Variants in ACO1 observed in about 807,000 individuals in gnomAD.
ACO1 encodes cytoplasmic aconitate hydratase.
A neutral mutation model predicts 105.1 loss-of-function variants in ACO1; 78 were observed. That is an observed-to-expected ratio of 0.74 (90% CI 0.62 to 0.90). ACO1 has a LOEUF of 0.90. ACO1 is among the 40% of genes least tolerant of loss of function. The probability of loss-of-function intolerance (pLI) is 0.00; values close to 1 mark genes in which losing one functional copy is unlikely to be tolerated. For synonymous variants in ACO1, 364 were observed against 397.4 expected, an observed-to-expected ratio of 0.92 and a Z score of 1.00; for missense variants, 965 against 1,111.1, an observed-to-expected ratio of 0.87 and a Z score of 1.87.
rs1477346658 is a variant in ACO1 at position 32,451,292 on chromosome 9, T to A, written c.*1181T>A. The A allele has an allele frequency of 1.3e-5, 2 of 152,164 alleles. No homozygotes were observed. The highest frequency in any genetic ancestry group is 2.9e-5 in the Non-Finnish European group (2 of 68,064). The allele number at this position is 152,164 out of a possible 1,614,324, so 9.4% of individuals were successfully genotyped here. A position where few individuals can be genotyped will look rare whatever the true frequency, so the allele number is the denominator to read the frequency against. ...CCACTTCATTTTCTGGTGAGGACACTCTTCCTGGTTTACAGATGGCCACCT... is the reference window on the plus strand; with the variant it reads ...CCACTTCATTTTCTGGTGAGGACACACTTCCTGGTTTACAGATGGCCACCT... On this transcript the variant is annotated 3_prime_UTR_variant, in exon 21 of 21. Transcript: ENST00000309951.
intron 1 of ACO1, among the ~76,000 whole-genome samples, chr9:32,386,894 A>G (rs1821166898): frequency 6.6e-6 from 1 of 152,172 alleles, no homozygotes. Flanking sequence ...CTTTCTGGCA[A>G]TTATGGTCTG....
intron 4 of ACO1, among the ~76,000 whole-genome samples, chr9:32,410,596 A>G (rs1821717396): frequency 6.6e-6 from 1 of 152,192 alleles, no homozygotes; most frequent in African/African-American, 2.4e-5. Context: ...TAAACTTGAA[A>G]AAAAAAGAAT....
intron 1 of ACO1, among the ~76,000 whole-genome samples, chr9:32,402,114 C>T (rs533704362): frequency 9.8e-5 from 15 of 152,346 alleles, no homozygotes; most frequent in South Asian, 2.1e-4. Flanking sequence ...TTCTGACAAG[C>T]GTCCCGGAGG....
rs1235592123 is a variant in ACO1 at position 32,389,825 on chromosome 9, G to A, written c.-23+5090G>A. Among the ~76,000 whole-genome samples the A allele has an allele frequency of 3.9e-5, 5 of 127,664 alleles. No individual in the cohort carries two copies. The South Asian group carries it at 7.2e-4, about 18-fold the overall frequency. The allele number at this position is 127,664 out of a possible 152,430, so 83.8% of individuals were successfully genotyped here. On this transcript the variant is annotated intron_variant, in intron 1 of 20. Transcript: ENST00000309951. ...CTTTTTTTTTTTTTTTTGAGACAGC[G>A]TCTCACTCTGTCACACAGGCTAGAG...
In ACO1 at chr9:32,415,484, C is replaced by G. The variant is rs1266973394; in HGVS notation, c.405-2644C>G. On this transcript the variant is annotated intron_variant, in intron 4 of 20. Coordinates refer to ENST00000309951, the MANE Select transcript of ACO1 (RefSeq NM_002197.3). ...GAAAGCCCAGCATCAGGGTTTGACC[C>G]ATTGAGTTGATGGTGCCTGAAGTAT... Among the ~76,000 whole-genome samples, 3 of 152,120 alleles carry G rather than the reference C, an allele frequency of 2.0e-5. No individual in the cohort carries two copies. In the East Asian group the frequency reaches 5.8e-4, roughly 29 times the overall value.
At chr9:32,430,638 A>G in intron 14 of ACO1, 64 bp downstream of exon 14, 2 of 1,504,958 alleles carry the variant, frequency 1.3e-6, no homozygotes, top group Non-Finnish European at 1.8e-6. Context: ...ACTAGAAGAA[A>G]CTGCTTTCCT....
At chr9:32,427,049 A>G (rs1822115329) in intron 11 of ACO1, among the ~76,000 whole-genome samples, 1 of 152,224 alleles carries the variant, frequency 6.6e-6, no homozygotes, top group African/African-American at 2.4e-5. Context: ...TTTAAAAAAA[A>G]AGTAAGCAAA....
chr9:32,384,788 C>A (rs935406561), intron 1 of ACO1, 53 bp downstream of exon 1: 3 of 337,906 alleles, frequency 8.9e-6, no homozygotes, highest in Admixed American at 7.2e-5. Flanking sequence ...GCCGTCCACC[C>A]TGTATCCCTC....
intron 1 of ACO1, among the ~76,000 whole-genome samples, chr9:32,388,383 A>G (rs1241354332): frequency 6.6e-6 from 1 of 152,150 alleles, no homozygotes; most frequent in Admixed American, 6.5e-5. Flanking sequence ...ACAGAAAAAA[A>G]TTAAAGCCAG....
At position 32,450,837 on chromosome 9, in the gene ACO1, CTTG is replaced by C. The variant is rs1339279900; in HGVS notation, c.*730_*732del. 5 of 152,058 alleles carry C rather than the reference CTTG, an allele frequency of 3.3e-5. No individual in the cohort carries two copies. 9.4% of individuals were successfully genotyped at this position (152,058 alleles called of 1,614,324 possible). A position where few individuals can be genotyped will look rare whatever the true frequency, so the allele number is the denominator to read the frequency against. On this transcript the variant is annotated 3_prime_UTR_variant, in exon 21 of 21. Coordinates refer to ENST00000309951, the MANE Select transcript of ACO1 (RefSeq NM_002197.3). ...AAATGAAATCTATTTTCAGTGAAAACTTGTTGACTTTGAGTTTTGCTGTGTTTG... is the reference window on the plus strand; with the variant it reads ...AAATGAAATCTATTTTCAGTGAAAACTTGACTTTGAGTTTTGCTGTGTTTG...
chr9:32,434,432 G>T (rs909839810), intron 16 of ACO1, 127 bp from the exon 17 acceptor site: 1 of 1,094,236 alleles, frequency 9.1e-7, no homozygotes, highest in Admixed American at 2.3e-5. Context: ...TAGAACACTA[G>T]AATTTTCTGT....
chr9:32,437,964 G>C (rs1334955461), intron 18 of ACO1, among the ~76,000 whole-genome samples: 1 of 152,006 alleles, frequency 6.6e-6, no homozygotes, highest in Non-Finnish European at 1.5e-5. Context: ...AAATGCAAGA[G>C]AGGAAATTAT....
chr9:32,445,742 TG>T, intron 19 of ACO1: 1 of 193,632 alleles, frequency 5.2e-6, no homozygotes, highest in Non-Finnish European at 1.1e-5. Context: ...CTTTCTCTTG[TG>T]GGCATTTAGT....
At chr9:32,416,215 C>G (rs1821845250) in intron 4 of ACO1, among the ~76,000 whole-genome samples, 1 of 151,976 alleles carries the variant, frequency 6.6e-6, no homozygotes, top group African/African-American at 2.4e-5. Context: ...CTGCCTCAGC[C>G]TCTCGAGTAG....
chr9:32,411,207 T>TA (rs1821731663), intron 4 of ACO1, among the ~76,000 whole-genome samples: 1 of 152,200 alleles, frequency 6.6e-6, no homozygotes, highest in South Asian at 2.1e-4. Flanking sequence ...AGGGTTTTGA[T>TA]ACAGGGAGGG....
chr9:32,384,727 C>T lies in ACO1; in HGVS notation c.-31C>T. On this transcript the variant is annotated 5_prime_UTR_variant, in exon 1 of 21. Coordinates refer to ENST00000309951, the MANE Select transcript of ACO1 (RefSeq NM_002197.3). ...CGCCGGTCGCGGGAGCCCCGCCGTGCAGTCGGAGGTGAGTACCGACGCGGC... is the reference window on the plus strand; with the variant it reads ...CGCCGGTCGCGGGAGCCCCGCCGTGTAGTCGGAGGTGAGTACCGACGCGGC... 2.4e-6 allele frequency: 1 copy of T among 409,922 alleles called. No homozygotes were observed. The highest frequency in any genetic ancestry group is 4.9e-6 in the Non-Finnish European group (1 of 205,714). The allele number at this position is 409,922 out of a possible 1,614,324, so 25.4% of individuals were successfully genotyped here. A position where few individuals can be genotyped will look rare whatever the true frequency, so the allele number is the denominator to read the frequency against.
At chr9:32,392,605 T>C (rs1821288886) in intron 1 of ACO1, among the ~76,000 whole-genome samples, 1 of 152,188 alleles carries the variant, frequency 6.6e-6, no homozygotes, top group African/African-American at 2.4e-5. Flanking sequence ...CCACCGTGTC[T>C]AAAACCAACA....
At position 32,454,620 on chromosome 9, in the gene ACO1, A is replaced by G. The variant is rs1274784488; in HGVS notation, c.*4509A>G. The G allele has an allele frequency of 1.3e-5, 2 of 152,196 alleles. No individual in the cohort carries two copies. Among genetic ancestry groups the G allele is most frequent in the African/African-American group, 2.4e-5 (1 of 41,468 alleles). 9.4% of individuals were successfully genotyped at this position (152,196 alleles called of 1,614,324 possible). A position where few individuals can be genotyped will look rare whatever the true frequency, so the allele number is the denominator to read the frequency against. ...ATGTGGCCTTTGTTCTAGAAATGCAATGACCAGCATTTGGGAGTCAGTCAA... is the reference window on the plus strand; with the variant it reads ...ATGTGGCCTTTGTTCTAGAAATGCAGTGACCAGCATTTGGGAGTCAGTCAA... On this transcript the variant is annotated 3_prime_UTR_variant, in exon 21 of 21. Coordinates refer to ENST00000309951, the MANE Select transcript of ACO1 (RefSeq NM_002197.3).
chr9:32,429,576 T>A, intron 13 of ACO1, 73 bp downstream of exon 13: 3 of 1,333,858 alleles, frequency 2.2e-6, no homozygotes, highest in Non-Finnish European at 3.2e-6. Context: ...AATGCTGATA[T>A]TTTCAAGAAG....
Sources: allele counts gnomAD v4.1 joint callset (sites outside exome capture counted in the v4.1 genomes callset), GRCh38; gene constraint gnomAD v4.1.1; transcripts MANE v1.5; gene names NCBI Gene and HGNC (gene_info 2026-07-23, HGNC 2026-07-21).